The following CSRNP3 variants were observed in gnomAD, a reference collection of about 807,000 sequenced individuals.
CSRNP3 encodes cysteine/serine-rich nuclear protein 3.
A neutral mutation model predicts 48.0 loss-of-function variants in CSRNP3; 12 were observed. The ratio of observed to expected loss-of-function variants is 0.25; its 90% CI spans 0.16 to 0.41. CSRNP3 has a LOEUF of 0.41. Among genes scored for constraint, CSRNP3 ranks in the 10% least tolerant of loss-of-function variants. The pLI is 1.00. For missense variants in CSRNP3, 580 were observed against 724.4 expected (o/e 0.80, Z 2.29); for synonymous variants, 263 against 269.7 (o/e 0.98, Z 0.24).
At chr2:165,640,946 A>G (rs1686712339) in intron 4 of CSRNP3, among the ~76,000 whole-genome samples, 1 of 152,182 alleles carries the variant, frequency 6.6e-6, no homozygotes, top group Admixed American at 6.5e-5. Context: ...ATACCTATAA[A>G]GCAATAAGAA....
chr2:165,644,983 C>T (rs1407071909), intron 4 of CSRNP3, among the ~76,000 whole-genome samples: 1 of 152,034 alleles, frequency 6.6e-6, no homozygotes. Flanking sequence ...ATGGCACCTC[C>T]TTGCTGTGTC....
intron 3 of CSRNP3, among the ~76,000 whole-genome samples, chr2:165,530,026 T>C (rs776409841): frequency 6.6e-6 from 1 of 152,188 alleles, no homozygotes; most frequent in Non-Finnish European, 1.5e-5. Context: ...AGGAATGCAG[T>C]TTTAACAGAT....
intron 3 of CSRNP3, among the ~76,000 whole-genome samples, chr2:165,587,038 GTTTC>G (rs1685644147): frequency 1.3e-5 from 2 of 152,174 alleles, no homozygotes; most frequent in African/African-American, 4.8e-5. Context: ...ATCTAGTGTT[GTTTC>G]TTTATTAGTT....
At chr2:165,661,388 C>G (rs1488334115) in intron 5 of CSRNP3, among the ~76,000 whole-genome samples, 3 of 152,138 alleles carry the variant, frequency 2.0e-5, no homozygotes, top group Non-Finnish European at 4.4e-5. Context: ...CTTACATTGG[C>G]CTACCGGAGA....
intron 1 of CSRNP3, among the ~76,000 whole-genome samples, chr2:165,481,890 G>A (rs1344750119): frequency 6.6e-6 from 1 of 152,008 alleles, no homozygotes; most frequent in Non-Finnish European, 1.5e-5. Flanking sequence ...GAATACATAT[G>A]GACACAAAGA....
chr2:165,642,708 A>G (rs1048962911), intron 4 of CSRNP3, among the ~76,000 whole-genome samples: 1 of 152,068 alleles, frequency 6.6e-6, no homozygotes, highest in Admixed American at 6.6e-5. Flanking sequence ...GATTACAGGC[A>G]TGCGCCACCA....
chr2:165,567,758 T>C (rs1685317062), intron 3 of CSRNP3, among the ~76,000 whole-genome samples: 1 of 151,992 alleles, frequency 6.6e-6, no homozygotes, highest in African/African-American at 2.4e-5. Context: ...TTTTCCTAAA[T>C]TGGAAATCAG....
rs571214623 is a variant in CSRNP3 at position 165,683,886 on chromosome 2, C to T, written c.*4133C>T. On this transcript the variant is annotated 3_prime_UTR_variant, in exon 7 of 7. Transcript: ENST00000651982. ...TGCTTCCTTTACCTAAATTATAGAA[C>T]TCACTGGATCGCCCTTCATCTCTCT... 2 of 152,230 alleles carry T rather than the reference C, an allele frequency of 1.3e-5. No homozygotes were observed. The highest frequency in any genetic ancestry group is 6.6e-5 in the Admixed American group (1 of 15,266). The allele number at this position is 152,230 out of a possible 1,614,324, so 9.4% of individuals were successfully genotyped here. A position where few individuals can be genotyped will look rare whatever the true frequency, so the allele number is the denominator to read the frequency against.
intron 1 of CSRNP3, among the ~76,000 whole-genome samples, chr2:165,488,639 A>T (rs1684156313): frequency 7.3e-6 from 1 of 136,722 alleles, no homozygotes; most frequent in Admixed American, 7.6e-5. Context: ...AGGATTAAGA[A>T]TCTCACTCAA....
Position 165,579,420 on chromosome 2 carries a change from A to G in CSRNP3, c.-23-15623A>G, listed in dbSNP as rs367684734. On this transcript the variant is annotated intron_variant, in intron 3 of 6. Coordinates refer to ENST00000651982, the MANE Select transcript of CSRNP3 (RefSeq NM_001172173.2). ...GCTTTTCTGAGCTCCCTTTTTTTAT[A>G]TCCTTTAAGGCTTTTCAAATTTCCA... Among the ~76,000 whole-genome samples the G allele has an allele frequency of 6.6e-5, 10 of 152,214 alleles. No homozygotes were observed. In the East Asian group the frequency reaches 1.7e-3, roughly 26 times the overall value.
chr2:165,614,832 G>A (rs141745535), intron 4 of CSRNP3, among the ~76,000 whole-genome samples: 18 of 152,220 alleles, frequency 1.2e-4, no homozygotes, highest in African/African-American at 4.3e-4. Context: ...ATGGTTAGGA[G>A]CATGTTATTT....
At chr2:165,492,824 AG>A (rs1684235816) in intron 1 of CSRNP3, among the ~76,000 whole-genome samples, 1 of 151,524 alleles carries the variant, frequency 6.6e-6, no homozygotes, top group Non-Finnish European at 1.5e-5. Flanking sequence ...ACATAATAAA[AG>A]CTCAGTAGAT....
chr2:165,639,364 TC>T (rs2105333029), intron 4 of CSRNP3, among the ~76,000 whole-genome samples: 1 of 152,324 alleles, frequency 6.6e-6, no homozygotes, highest in African/African-American at 2.4e-5. Flanking sequence ...TTTTCACTGT[TC>T]TGCGAGGTCT....
chr2:165,528,051 G>T (rs1443677368), intron 3 of CSRNP3, among the ~76,000 whole-genome samples: 1 of 152,078 alleles, frequency 6.6e-6, no homozygotes. Flanking sequence ...CAAAGAAATA[G>T]AAATAAAATG....
chr2:165,627,480 A>G (rs1464708385), intron 4 of CSRNP3, among the ~76,000 whole-genome samples: 2 of 152,090 alleles, frequency 1.3e-5, no homozygotes, highest in Non-Finnish European at 2.9e-5. Flanking sequence ...GGCATAGCTT[A>G]CTTTTACTGG....
intron 2 of CSRNP3, among the ~76,000 whole-genome samples, chr2:165,497,648 A>T (rs1429233843): frequency 6.6e-6 from 1 of 152,134 alleles, no homozygotes; most frequent in African/African-American, 2.4e-5. Context: ...TTTGAATTCA[A>T]AGACTATGAG....
chr2:165,631,634 A>G (rs1686538193), intron 4 of CSRNP3, among the ~76,000 whole-genome samples: 1 of 152,246 alleles, frequency 6.6e-6, no homozygotes, highest in South Asian at 2.1e-4. Context: ...GTGGAAACAG[A>G]TAAGTTACAC....
intron 2 of CSRNP3, among the ~76,000 whole-genome samples, chr2:165,517,172 T>G (rs903048648): frequency 6.6e-6 from 1 of 152,054 alleles, no homozygotes; most frequent in African/African-American, 2.4e-5. Context: ...AGTGATTATA[T>G]ACATTTTAGT....
intron 5 of CSRNP3, among the ~76,000 whole-genome samples, chr2:165,675,582 A>G (rs2105362803): frequency 6.6e-6 from 1 of 152,300 alleles, no homozygotes; most frequent in South Asian, 2.1e-4. Flanking sequence ...CCGTTTCCAC[A>G]TGAGCTATTA....
Sources: allele counts gnomAD v4.1 joint callset (sites outside exome capture counted in the v4.1 genomes callset), GRCh38; gene constraint gnomAD v4.1.1; transcripts MANE v1.5; gene names NCBI Gene and HGNC (gene_info 2026-07-23, HGNC 2026-07-21).